The following DCAKD variants were observed in gnomAD, a reference collection of about 807,000 sequenced individuals.
The protein encoded by DCAKD is dephospho-CoA kinase domain-containing protein.
DCAKD carries 15 observed loss-of-function variants against 18.7 expected under a neutral mutation model. That is an observed-to-expected ratio of 0.80 (90% CI 0.54 to 1.24). DCAKD has a LOEUF of 1.24. DCAKD is among the 50% of genes most tolerant of loss of function. DCAKD has a pLI of 0.00. For missense variants in DCAKD, 301 were observed against 322.0 expected (o/e 0.93, Z 0.50); for synonymous variants, 130 against 133.0 (o/e 0.98, Z 0.16).
chr17:45,025,009 CTTTTTTTTTTT>C (rs747194341), intron 4 of DCAKD, among the ~76,000 whole-genome samples: 1 of 113,298 alleles, frequency 8.8e-6, no homozygotes, highest in East Asian at 2.5e-4. Flanking sequence ...GGCCACAGCT[CTTTTTTTTTTT>C]TTTTTTTTTG....
intron 1 of DCAKD, among the ~76,000 whole-genome samples, chr17:45,042,006 C>T (rs2053449588): frequency 6.6e-6 from 1 of 151,798 alleles, no homozygotes; most frequent in Non-Finnish European, 1.5e-5. Flanking sequence ...GTCTCAGCTA[C>T]TTGAGAGGCT....
rs757829352 is a variant in DCAKD, at chr17:45,033,960, T to C, written c.316+227A>G. 5 of 1,573,416 alleles carry C rather than the reference T, an allele frequency of 3.2e-6. No individual in the cohort carries two copies. In the Admixed American group the frequency reaches 8.7e-5, roughly 27 times the overall value. Reference sequence around the variant, plus strand: ...TTCCTGGGCTCATGGCTCGAAAGCCTCATGTGTCTCTTCTCATTAAACTGT... The same window carrying C: ...TTCCTGGGCTCATGGCTCGAAAGCCCCATGTGTCTCTTCTCATTAAACTGT... On this transcript the variant is annotated intron_variant, in intron 3 of 4. Transcript: ENST00000651974.
rs527723213 is a variant in DCAKD at position 45,029,856 on chromosome 17, G to A, written c.404+236C>T. ...GGCTGAAGTGCCTGCAATGGTCAGC[G>A]GGGGAGCGCTCCCCAAACACTAGAG... On this transcript the variant is annotated intron_variant, in intron 4 of 4. Coordinates refer to ENST00000651974, the MANE Select transcript of DCAKD (RefSeq NM_001288655.2). 4.6e-5 allele frequency among the ~76,000 whole-genome samples: 7 copies of A among 152,188 alleles called. No individual in the cohort carries two copies. The South Asian group carries it at 1.2e-3, about 27-fold the overall frequency.
exon 1 of DCAKD, chr17:45,060,944 A>G (rs2053843808): frequency 1.2e-6 from 1 of 866,288 alleles, no homozygotes; most frequent in Admixed American, 5.3e-5. Flanking sequence ...CGGCCCAGGC[A>G]CTGGCAAGGG....
At chr17:45,042,845 G>A (rs150141254) in intron 1 of DCAKD, among the ~76,000 whole-genome samples, 2 of 152,298 alleles carry the variant, frequency 1.3e-5, no homozygotes, top group Non-Finnish European at 2.9e-5. Context: ...AAAGGAGCTG[G>A]CGTCTGCCTC....
upstream of DCAKD, chr17:45,054,259 T>A (rs1237463542): frequency 1.8e-5 from 8 of 453,514 alleles, no homozygotes; most frequent in South Asian, 3.2e-5. Flanking sequence ...TATTTATTTT[T>A]TTTTTTGAGA....
chr17:45,025,381 G>A (rs1016912586), intron 4 of DCAKD, among the ~76,000 whole-genome samples: 4 of 152,152 alleles, frequency 2.6e-5, no homozygotes, highest in African/African-American at 9.7e-5. Context: ...TCAAGGACAT[G>A]AGAATTGGTC....
exon 1 of DCAKD, chr17:45,061,043 C>G (rs569952689): frequency 8.4e-7 from 1 of 1,192,776 alleles, no homozygotes; most frequent in East Asian, 4.5e-5. Context: ...TGCCAGGCGG[C>G]CGCCCGGTTC....
chr17:45,030,277 G>A (rs2053148859), intron 3 of DCAKD, 98 bp from the exon 4 acceptor site: 1 of 1,072,568 alleles, frequency 9.3e-7, no homozygotes, highest in Non-Finnish European at 1.4e-6. Flanking sequence ...CCCAGCAGAG[G>A]GGCAGGCCTT....
chr17:45,047,057 C>A (rs1236218933), intron 1 of DCAKD, among the ~76,000 whole-genome samples: 2 of 150,658 alleles, frequency 1.3e-5, no homozygotes, highest in Non-Finnish European at 2.9e-5. Flanking sequence ...TGTGGACTGA[C>A]AGATTATTAA....
intron 3 of DCAKD, chr17:45,031,770 A>G (rs1185982902): frequency 1.0e-6 from 1 of 985,314 alleles, no homozygotes; most frequent in African/African-American, 1.7e-5. Context: ...CCTGTCTGAT[A>G]AGCTCTGCAA....
intron 4 of DCAKD, among the ~76,000 whole-genome samples, chr17:45,027,761 G>C (rs575268634): frequency 6.6e-6 from 1 of 152,294 alleles, no homozygotes; most frequent in African/African-American, 2.4e-5. Context: ...GCCGAGACAG[G>C]TAGATCACAA....
intron 1 of DCAKD, among the ~76,000 whole-genome samples, chr17:45,045,791 T>G (rs375386287): frequency 9.4e-4 from 143 of 152,170 alleles, no homozygotes; most frequent in African/African-American, 3.2e-3. Flanking sequence ...AGCAAAATAT[T>G]TAGCTCATGG....
Position 45,024,605 on chromosome 17 carries a change from A to C in DCAKD, c.524T>G (p.Val175Gly). 1.9e-6 allele frequency: 3 copies of C among 1,614,066 alleles called. No homozygotes were observed. Among genetic ancestry groups the C allele is most frequent in the Non-Finnish European group, 2.5e-6 (3 of 1,179,940 alleles). ...ACTCCACTCGCCCGAGTTGTCTAGG[A>C]CATGGCGGGCCATGCGGGCCTTGTC... Reference protein sequence around the residue: ...LTDKARMARHVLDNSGEWSVT... With the variant: ...LTDKARMARHGLDNSGEWSVT... Residue 175 changes from valine (V) to glycine (G), a missense_variant, in exon 5 of 5, where the codon GTC becomes GGC. By Grantham distance (109) the Val-to-Gly change is moderately radical. Coordinates refer to ENST00000651974, the MANE Select transcript of DCAKD (RefSeq NM_001288655.2).
chr17:45,060,076 C>T (rs2053832140), intron 1 of DCAKD, among the ~76,000 whole-genome samples: 1 of 152,152 alleles, frequency 6.6e-6, no homozygotes, highest in African/African-American at 2.4e-5. Context: ...TGCACTCCAG[C>T]CTGGGAGTCA....
intron 3 of DCAKD, among the ~76,000 whole-genome samples, chr17:45,033,340 T>G (rs1412672320): frequency 6.6e-6 from 1 of 152,182 alleles, no homozygotes; most frequent in Non-Finnish European, 1.5e-5. Flanking sequence ...CAATTTCCAG[T>G]CTACAAACTT....
At chr17:45,039,914 G>A (rs1445997803) in intron 1 of DCAKD, among the ~76,000 whole-genome samples, 2 of 152,244 alleles carry the variant, frequency 1.3e-5, no homozygotes, top group Non-Finnish European at 1.5e-5. Context: ...CCAACATGGC[G>A]AAACCCCATC....
At chr17:45,036,389 G>A (rs554024442) in intron 1 of DCAKD, among the ~76,000 whole-genome samples, 8 of 152,274 alleles carry the variant, frequency 5.3e-5, no homozygotes, top group African/African-American at 1.2e-4. Context: ...GGTGGCGGGC[G>A]CCTGCAGTCC....
At chr17:45,025,454 A>C (rs759614685) in intron 4 of DCAKD, among the ~76,000 whole-genome samples, 1 of 151,896 alleles carries the variant, frequency 6.6e-6, no homozygotes, top group Non-Finnish European at 1.5e-5. Context: ...AAGTCTCCCA[A>C]CTCCAAGAGA....
Sources: gnomAD v4.1 joint callset for allele counts (sites outside exome capture counted in the v4.1 genomes callset) on GRCh38, gnomAD v4.1.1 for gene constraint, MANE v1.5 for transcripts, NCBI Gene and HGNC (gene_info 2026-07-23, HGNC 2026-07-21) for gene names.